DRD3: variants seen among roughly 807,000 people sequenced by gnomAD.
DRD3 encodes dopamine receptor D3.
A neutral mutation model predicts 36.3 loss-of-function variants in DRD3; 19 were observed. The observed-to-expected ratio is 0.52, with a 90% CI of 0.36 to 0.77. The LOEUF (loss-of-function observed/expected upper bound fraction) is 0.77, where lower values mean the gene tolerates loss of function less well. Among genes scored for constraint, DRD3 ranks in the 30% least tolerant of loss-of-function variants. The pLI is 0.00. For missense variants in DRD3, 465 were observed against 505.3 expected, an observed-to-expected ratio of 0.92 and a Z score of 0.77; for synonymous variants, 195 against 203.7, an observed-to-expected ratio of 0.96 and a Z score of 0.36.
chr3:114,156,816 CTTT>C lies in DRD3; in HGVS notation c.383+2936_383+2938del, dbSNP rs1229974379. Among the ~76,000 whole-genome samples, 549 of 99,452 alleles carry C rather than the reference CTTT, an allele frequency of 5.5e-3. 5 individuals are homozygous for C. Among genetic ancestry groups the C allele is most frequent in the African/African-American group, 0.015 (435 of 28,734 alleles). The allele number at this position is 99,452 out of a possible 152,430, so 65.2% of individuals were successfully genotyped here. A position where few individuals can be genotyped will look rare whatever the true frequency, so the allele number is the denominator to read the frequency against. The stretch of plus-strand genomic sequence containing the variant: ...CTTTCTTTCTCTTTTCTTTTTCTTT[CTTT>C]TTTCTTTCTTTCTTTCCTTTCTTTC... On this transcript the variant is annotated intron_variant, in intron 3 of 6. Transcript: ENST00000383673.
chr3:114,143,810 TA>T (rs1325607581), intron 4 of DRD3, among the ~76,000 whole-genome samples: 3 of 152,250 alleles, frequency 2.0e-5, no homozygotes, highest in African/African-American at 7.2e-5. Flanking sequence ...AGAGTTTTCT[TA>T]ACTTTAAGTT....
chr3:114,184,783 C>G (rs765581298), intron 1 of DRD3, among the ~76,000 whole-genome samples: 4 of 152,024 alleles, frequency 2.6e-5, no homozygotes, highest in Non-Finnish European at 5.9e-5. Context: ...AGGCTGGTCT[C>G]GAACTCCTGA....
chr3:114,137,330 G>A (rs749797830), intron 5 of DRD3, among the ~76,000 whole-genome samples: 1 of 152,238 alleles, frequency 6.6e-6, no homozygotes, highest in African/African-American at 2.4e-5. Flanking sequence ...GGCAGGGGGT[G>A]TAGAAGAAGG....
intron 1 of DRD3, among the ~76,000 whole-genome samples, chr3:114,193,613 G>C (rs1017820667): frequency 6.6e-6 from 1 of 152,172 alleles, no homozygotes; most frequent in Admixed American, 6.5e-5. Flanking sequence ...CCTATGAATG[G>C]AGAGTAAGGG....
chr3:114,179,949 A>G (rs572605456), upstream of DRD3, among the ~76,000 whole-genome samples: 30 of 152,276 alleles, frequency 2.0e-4, no homozygotes, highest in African/African-American at 7.2e-4. Flanking sequence ...CAACCCTACA[A>G]GGCAGGTACT....
intron 3 of DRD3, among the ~76,000 whole-genome samples, chr3:114,154,325 A>ATGTGTG (rs139298505): frequency 3.4e-5 from 5 of 149,118 alleles, no homozygotes; most frequent in Non-Finnish European, 6.0e-5. Flanking sequence ...AGGGTGGGAG[A>ATGTGTG]TGTGTGTGTG....
intron 2 of DRD3, among the ~76,000 whole-genome samples, chr3:114,169,728 T>C (rs150259136): frequency 6.6e-6 from 1 of 152,142 alleles, no homozygotes. Flanking sequence ...AGTAGTAGAA[T>C]AGGAGCACCA....
At chr3:114,138,133 C>T (rs1260033263) in intron 5 of DRD3, among the ~76,000 whole-genome samples, 2 of 140,594 alleles carry the variant, frequency 1.4e-5, no homozygotes, top group Non-Finnish European at 3.0e-5. Flanking sequence ...CATGTCACTG[C>T]ACTCCAGTCT....
chr3:114,197,635 T>C (rs2078044753), intron 1 of DRD3, among the ~76,000 whole-genome samples: 1 of 152,214 alleles, frequency 6.6e-6, no homozygotes, highest in Non-Finnish European at 1.5e-5. Flanking sequence ...GTACAAGACA[T>C]GGGTTGAAGT....
At chr3:114,128,997 C>A in intron 6 of DRD3, 85 bp from the exon 7 acceptor site, 1 of 1,389,628 alleles carries the variant, frequency 7.2e-7, no homozygotes, top group Non-Finnish European at 9.6e-7. Context: ...CGGTTGTCTA[C>A]TTTATGCCAG....
chr3:114,131,746 G>T (rs2077433196), intron 5 of DRD3, among the ~76,000 whole-genome samples: 1 of 152,148 alleles, frequency 6.6e-6, no homozygotes, highest in Admixed American at 6.5e-5. Context: ...TAAAAAGTGG[G>T]CAAAGGATAT....
At chr3:114,166,031 G>A (rs1331162830) in intron 2 of DRD3, among the ~76,000 whole-genome samples, 1 of 146,462 alleles carries the variant, frequency 6.8e-6, no homozygotes, top group Non-Finnish European at 1.5e-5. Flanking sequence ...TGTTGCCCTA[G>A]CTGGAGTGCA....
intron 4 of DRD3, among the ~76,000 whole-genome samples, chr3:114,142,198 G>A (rs2077532031): frequency 6.6e-6 from 1 of 152,096 alleles, no homozygotes. Context: ...GAATCTCTAG[G>A]GAGCCACGTT....
intron 1 of DRD3, among the ~76,000 whole-genome samples, chr3:114,176,608 G>A (rs2077901673): frequency 6.6e-6 from 1 of 151,612 alleles, no homozygotes; most frequent in South Asian, 2.1e-4. Flanking sequence ...CTGTCTCAAA[G>A]TAAAAAAAAA....
rs752323522 is a variant in DRD3 at position 114,178,869 on chromosome 3, G to T, written c.-248C>A. 2 of 152,156 alleles carry T rather than the reference G, an allele frequency of 1.3e-5. No homozygotes were observed. The highest frequency in any genetic ancestry group is 2.9e-5 in the Non-Finnish European group (2 of 68,024). The allele number at this position is 152,156 out of a possible 1,614,324, so 9.4% of individuals were successfully genotyped here. A position where few individuals can be genotyped will look rare whatever the true frequency, so the allele number is the denominator to read the frequency against. Reference sequence around the variant, plus strand: ...TCCAGCTTCCCTATTAGACCTTAGTGCATGTTTCATAGCTGCTTTCGAATG... The same window carrying T: ...TCCAGCTTCCCTATTAGACCTTAGTTCATGTTTCATAGCTGCTTTCGAATG... On this transcript the variant is annotated 5_prime_UTR_variant, in exon 1 of 7. Coordinates refer to ENST00000383673, the MANE Select transcript of DRD3 (RefSeq NM_000796.6).
At position 114,166,869 on chromosome 3, in the gene DRD3, C is replaced by T. The variant is rs556863300; in HGVS notation, c.270+4854G>A. Among the ~76,000 whole-genome samples, 5 of 152,248 alleles carry T rather than the reference C, an allele frequency of 3.3e-5. No homozygotes were observed. The South Asian group carries it at 1.0e-3, about 32-fold the overall frequency. ...TGGCAAAAATAATCTCCAAGCCCTT[C>T]CAGCTTTAATATTCTATGACTTTTA... On this transcript the variant is annotated intron_variant, in intron 2 of 6. Transcript: ENST00000383673.
At chr3:114,185,687 T>A (rs1303204134) in intron 1 of DRD3, among the ~76,000 whole-genome samples, 1 of 152,208 alleles carries the variant, frequency 6.6e-6, no homozygotes, top group Admixed American at 6.5e-5. Flanking sequence ...AATTTTATTT[T>A]TTTTTTAAGA....
intron 4 of DRD3, among the ~76,000 whole-genome samples, chr3:114,141,277 ACC>A: frequency 6.6e-6 from 1 of 151,686 alleles, no homozygotes; most frequent in Non-Finnish European, 1.5e-5. Flanking sequence ...CAGGTGATCC[ACC>A]CTCCTTGGCC....
chr3:114,179,690 T>TC (rs990835931), upstream of DRD3, among the ~76,000 whole-genome samples: 4 of 152,138 alleles, frequency 2.6e-5, no homozygotes, highest in South Asian at 6.2e-4. Context: ...CTCTTTTTTT[T>TC]CTCCTCTGTT....
Sources: allele counts gnomAD v4.1 joint callset (sites outside exome capture counted in the v4.1 genomes callset), GRCh38; gene constraint gnomAD v4.1.1; transcripts MANE v1.5; gene names NCBI Gene and HGNC (gene_info 2026-07-23, HGNC 2026-07-21).